BICRA: variants seen among roughly 807,000 people sequenced by gnomAD.
The protein encoded by BICRA is BRD4-interacting chromatin-remodeling complex-associated protein.
BICRA carries 31 observed loss-of-function variants against 96.9 expected under a neutral mutation model. That is an observed-to-expected ratio of 0.32 (90% CI 0.24 to 0.43). The LOEUF is 0.43. Among genes scored for constraint, BICRA ranks in the 20% least tolerant of loss-of-function variants. The pLI, the probability that BICRA is intolerant of heterozygous loss-of-function variation, is 1.00. For missense variants in BICRA, 2,283 were observed against 2,190.3 expected (o/e 1.04, Z -0.84); for synonymous variants, 1,350 against 1,071.8 (o/e 1.26, Z -5.07).
At chr19:47,613,444 G>A (rs1398928615) in intron 1 of BICRA, among the ~76,000 whole-genome samples, 2 of 152,238 alleles carry the variant, frequency 1.3e-5, no homozygotes, top group South Asian at 2.1e-4. Context: ...CCCTTCTCCC[G>A]CCCTGCAGGG....
At chr19:47,637,600 A>G (rs2910996) in intron 1 of BICRA, among the ~76,000 whole-genome samples, 23,566 of 152,110 alleles carry the variant, frequency 0.15, 2,231 homozygotes, top group Non-Finnish European at 0.22. Context: ...GGTTTTTAGT[A>G]TCTCCACAGA....
chr19:47,663,503 T>G (rs1321024107), intron 1 of BICRA: 1 of 152,192 alleles, frequency 6.6e-6, no homozygotes, highest in African/African-American at 2.4e-5. Flanking sequence ...ACAGCTCTAG[T>G]CATCTCAACT....
chr19:47,682,037 T>C lies in BICRA; in HGVS notation c.2168T>C (p.Ile723Thr). The change falls in exon 7 of 15, where the codon ATA (isoleucine) becomes ACA (threonine). Residue 723 changes from isoleucine to threonine, a missense_variant. Physicochemically the swap from Ile to Thr is moderately conservative, Grantham distance 89. Coordinates refer to ENST00000594866, the MANE Select transcript of BICRA (RefSeq NM_001394372.1). ...CACCTCTCCGTGCCTGCCTCGGTCATAGTCAGCGCCCCGCCTCCCGCCCAA... is the reference window on the plus strand; with the variant it reads ...CACCTCTCCGTGCCTGCCTCGGTCACAGTCAGCGCCCCGCCTCCCGCCCAA... The part of the protein sequence containing the change: ...GPHLSVPASV[I>T]VSAPPPAQDP... The C allele has an allele frequency of 2.6e-6, 4 of 1,563,090 alleles. No homozygotes were observed. Among genetic ancestry groups the C allele is most frequent in the Non-Finnish European group, 3.5e-6 (4 of 1,155,724 alleles).
rs754342719 is a variant in BICRA at position 47,696,465 on chromosome 19, G to A, written c.3201G>A (p.Leu1067=). The part of the protein sequence containing the change: ...KPSGLQYESK[L]SGLKKPPTLQ... Reference sequence around the variant, plus strand: ...TCTTCTCCCAGTATGAGAGCAAACTGAGTGGCCTGAAGAAGCCCCCCACGC... The same window carrying A: ...TCTTCTCCCAGTATGAGAGCAAACTAAGTGGCCTGAAGAAGCCCCCCACGC... Residue 1067 remains leucine, a synonymous_variant, in exon 11 of 15, where the codon CTG becomes CTA. Coordinates refer to ENST00000594866, the MANE Select transcript of BICRA (RefSeq NM_001394372.1). 1.2e-6 allele frequency: 2 copies of A among 1,602,432 alleles called. No homozygotes were observed.
Position 47,694,204 on chromosome 19 carries a change from G to GGCCC in BICRA, c.2373_2374insGCCC (p.Pro792AlafsTer80). 1 of 1,119,702 alleles carries GGCCC rather than the reference G, an allele frequency of 8.9e-7. No individual in the cohort carries two copies. Among genetic ancestry groups the GGCCC allele is most frequent in the Non-Finnish European group, 1.1e-6 (1 of 884,586 alleles). The allele number at this position is 1,119,702 out of a possible 1,614,324, so 69.4% of individuals were successfully genotyped here. The stretch of plus-strand genomic sequence containing the variant: ...CCCCTCTGGGGGACAGCCCCCACCT[G>GGCCC]CCCTCCCCACACCCCACCCGGCCCC... On this transcript the variant is annotated frameshift_variant, in exon 8 of 15. Transcript: ENST00000594866. LOFTEE classifies it high-confidence loss of function.
chr19:47,641,315 C>G (rs1288502963), intron 1 of BICRA, among the ~76,000 whole-genome samples: 1 of 151,890 alleles, frequency 6.6e-6, no homozygotes, highest in Admixed American at 6.6e-5. Flanking sequence ...TAAATGTGTA[C>G]CATTATTAAC....
chr19:47,631,655 G>A (rs1972223836), intron 1 of BICRA, among the ~76,000 whole-genome samples: 3 of 152,058 alleles, frequency 2.0e-5, no homozygotes, highest in Admixed American at 6.6e-5. Flanking sequence ...GTGAGCCACC[G>A]CACTCGGCCG....
At chr19:47,615,400 G>A (rs771616844) in intron 1 of BICRA, among the ~76,000 whole-genome samples, 6 of 152,192 alleles carry the variant, frequency 3.9e-5, no homozygotes, top group African/African-American at 9.7e-5. Context: ...ACCTCCTTGT[G>A]TCTGATGACC....
intron 1 of BICRA, among the ~76,000 whole-genome samples, chr19:47,611,053 C>A (rs1971899180): frequency 1.3e-5 from 2 of 152,176 alleles, no homozygotes; most frequent in South Asian, 2.1e-4. Context: ...TTCCCGTTTT[C>A]CAGACAGGTT....
At chr19:47,663,082 A>G (rs1363998639) in intron 1 of BICRA, 1 of 152,232 alleles carries the variant, frequency 6.6e-6, no homozygotes, top group African/African-American at 2.4e-5. Context: ...CGGGCAGCCC[A>G]TGAAGAGTTA....
At chr19:47,654,917 G>T (rs567383733) in intron 1 of BICRA, among the ~76,000 whole-genome samples, 68 of 152,220 alleles carry the variant, frequency 4.5e-4, no homozygotes, top group African/African-American at 1.5e-3. Flanking sequence ...GGGTGAATGC[G>T]TCTTGATCTT....
At chr19:47,612,180 C>T (rs1048047613) in intron 1 of BICRA, among the ~76,000 whole-genome samples, 5 of 151,958 alleles carry the variant, frequency 3.3e-5, no homozygotes, top group East Asian at 1.9e-4. Context: ...TTGGGGAGAC[C>T]GAGGCTGGAG....
chr19:47,680,010 C>T lies in BICRA; in HGVS notation c.840C>T (p.Val280=), dbSNP rs750681036. Residue 280 remains valine (V), a synonymous_variant, in exon 6 of 15, where the codon GTC becomes GTT. Transcript: ENST00000594866. The stretch of plus-strand genomic sequence containing the variant: ...CCGTGACGCTGGCGTCGGCCGGTGT[C>T]TCGCCACAGGGGGCTGGCCTGGTCA... ...SEPVTLASAG[V]SPQGAGLVIQ... 38 of 1,500,772 alleles carry T rather than the reference C, an allele frequency of 2.5e-5. No individual in the cohort carries two copies. Among genetic ancestry groups the T allele is most frequent in the Non-Finnish European group, 3.0e-5 (34 of 1,135,662 alleles). The allele number at this position is 1,500,772 out of a possible 1,614,324, so 93.0% of individuals were successfully genotyped here.
At chr19:47,616,018 T>A (rs181008125) in intron 1 of BICRA, 1 of 152,556 alleles carries the variant, frequency 6.6e-6, no homozygotes, top group African/African-American at 2.4e-5. Flanking sequence ...ATTGTCTTCC[T>A]GAAAGGCACA....
At chr19:47,632,290 C>G (rs1972232284) in intron 1 of BICRA, among the ~76,000 whole-genome samples, 2 of 152,362 alleles carry the variant, frequency 1.3e-5, no homozygotes, top group South Asian at 2.1e-4. Context: ...TCACTGCTGG[C>G]AAACAGCAGC....
Position 47,675,856 on chromosome 19 carries a change from C to T in BICRA, c.90C>T (p.Asp30=), listed in dbSNP as rs1276469751. The T allele has an allele frequency of 3.1e-6, 5 of 1,605,170 alleles. No individual in the cohort carries two copies. In the East Asian group the frequency reaches 9.0e-5, roughly 29 times the overall value. The change falls in exon 5 of 15, where the codon GAC becomes GAT. Residue 30 remains aspartate (D), a synonymous_variant. Coordinates refer to ENST00000594866, the MANE Select transcript of BICRA (RefSeq NM_001394372.1). This position sits in a 1 kb window ranked among gnomAD's most constrained non-coding sequence, Gnocchi z 4.7. ...NDFLHGSEKL[D]SDDLLDNPGE... The stretch of plus-strand genomic sequence containing the variant: ...TGGGGCGGGTCTTGTTGCAGCTTGA[C>T]AGTGATGACCTCCTGGATAATCCCG...
chr19:47,633,930 C>T (rs991184985), intron 1 of BICRA, among the ~76,000 whole-genome samples: 2 of 152,218 alleles, frequency 1.3e-5, no homozygotes, highest in Non-Finnish European at 2.9e-5. Flanking sequence ...GCGTTCTGTG[C>T]GTTCACCCTG....
chr19:47,670,358 C>G (rs996009700), intron 1 of BICRA, 85 bp from the exon 2 acceptor site: 2 of 152,348 alleles, frequency 1.3e-5, no homozygotes, highest in Non-Finnish European at 2.9e-5. Context: ...CCACCTACAT[C>G]CCATAGCTCT....
In BICRA at chr19:47,680,452, C is replaced by A. The variant is rs780369941; in HGVS notation, c.1282C>A (p.Pro428Thr). 6.5e-7 allele frequency: 1 copy of A among 1,539,450 alleles called. No homozygotes were observed. Among genetic ancestry groups the A allele is most frequent in the Non-Finnish European group, 8.7e-7 (1 of 1,146,068 alleles). The stretch of plus-strand genomic sequence containing the variant: ...GCAAGCGAACGTCTTCAAGCAGCCA[C>A]CGGCCACCACCACCGGAGCGGCCCC... The part of the protein sequence containing the change: ...ALQANVFKQP[P>T]ATTTGAAPPQ... The change falls in exon 6 of 15, where the codon CCG (proline) becomes ACG (threonine). Residue 428 changes from proline to threonine, a missense_variant. Coordinates refer to ENST00000594866, the MANE Select transcript of BICRA (RefSeq NM_001394372.1).
Sources: allele counts gnomAD v4.1 joint callset (sites outside exome capture counted in the v4.1 genomes callset), GRCh38; gene constraint gnomAD v4.1.1; non-coding constraint Gnocchi (gnomAD v3.1); transcripts MANE v1.5; gene names NCBI Gene and HGNC (gene_info 2026-07-23, HGNC 2026-07-21).